Variants in LRRTM4 observed in about 807,000 individuals in gnomAD.
The protein encoded by LRRTM4 is leucine rich repeat transmembrane neuronal 4.
LRRTM4 carries 25 observed loss-of-function variants against 47.6 expected under a neutral mutation model. That is an observed-to-expected ratio of 0.53 (90% CI 0.38 to 0.73). LRRTM4 has a LOEUF of 0.73. Among genes scored for constraint, LRRTM4 ranks in the 30% least tolerant of loss-of-function variants. The pLI is 0.00. For missense variants in LRRTM4, 638 were observed against 713.4 expected, an observed-to-expected ratio of 0.89 and a Z score of 1.20; for synonymous variants, 311 against 269.5, an observed-to-expected ratio of 1.15 and a Z score of -1.51.
intron 3 of LRRTM4, among the ~76,000 whole-genome samples, chr2:77,321,555 G>T (rs867894102): frequency 1.3e-4 from 11 of 87,570 alleles, no homozygotes; most frequent in South Asian, 1.1e-3. Context: ...ATCGGGGAGG[G>T]GGGGGGGTGT....
chr2:77,254,672 T>C (rs1675713316), intron 3 of LRRTM4, among the ~76,000 whole-genome samples: 1 of 151,558 alleles, frequency 6.6e-6, no homozygotes, highest in Non-Finnish European at 1.5e-5. Flanking sequence ...GGGAGTAAAA[T>C]AAAATAAAGG....
At chr2:76,965,696 C>G (rs1418222134) in intron 3 of LRRTM4, among the ~76,000 whole-genome samples, 1 of 151,292 alleles carries the variant, frequency 6.6e-6, no homozygotes, top group Non-Finnish European at 1.5e-5. Context: ...ACGCTTTTCA[C>G]TAGGCATTTC....
chr2:77,058,047 TC>T (rs1234271107), intron 3 of LRRTM4, among the ~76,000 whole-genome samples: 7 of 152,190 alleles, frequency 4.6e-5, no homozygotes, highest in Non-Finnish European at 1.0e-4. Flanking sequence ...TTTAGATTTT[TC>T]ATGGGCCTCT....
At chr2:76,805,327 C>G (rs1675913910) in intron 3 of LRRTM4, among the ~76,000 whole-genome samples, 1 of 151,838 alleles carries the variant, frequency 6.6e-6, no homozygotes, top group African/African-American at 2.4e-5. Flanking sequence ...TCTGCCACAG[C>G]CAGTGAAAAG....
intron 3 of LRRTM4, among the ~76,000 whole-genome samples, chr2:76,932,418 T>C (rs1674801102): frequency 6.6e-6 from 1 of 152,066 alleles, no homozygotes; most frequent in African/African-American, 2.4e-5. Context: ...TGTATACAGG[T>C]ACCTATAATA....
chr2:76,887,666 T>G (rs1673121626), intron 3 of LRRTM4, among the ~76,000 whole-genome samples: 1 of 132,100 alleles, frequency 7.6e-6, no homozygotes, highest in African/African-American at 2.9e-5. Flanking sequence ...TGTTTGTATT[T>G]ATATATATAT....
intron 3 of LRRTM4, among the ~76,000 whole-genome samples, chr2:77,479,393 A>C (rs1677562648): frequency 6.6e-6 from 1 of 152,188 alleles, no homozygotes; most frequent in South Asian, 2.1e-4. Context: ...TTCTGTTAAC[A>C]AAGTACATCT....
chr2:77,056,186 A>ATAG (rs56323017), intron 3 of LRRTM4, among the ~76,000 whole-genome samples: 1 of 44,264 alleles, frequency 2.3e-5, no homozygotes, highest in African/African-American at 1.4e-4. Context: ...AACTTAAAGT[A>ATAG]TAATAATAAA....
intron 3 of LRRTM4, among the ~76,000 whole-genome samples, chr2:76,766,841 A>G (rs565028753): frequency 6.6e-6 from 1 of 152,250 alleles, no homozygotes; most frequent in Non-Finnish European, 1.5e-5. Flanking sequence ...TAAACATGCT[A>G]CAATGTGCAG....
chr2:77,183,559 G>T (rs1260762818), intron 3 of LRRTM4, among the ~76,000 whole-genome samples: 1 of 152,166 alleles, frequency 6.6e-6, no homozygotes, highest in Non-Finnish European at 1.5e-5. Context: ...ATTACCATGT[G>T]ACCCAGCCAT....
At chr2:76,898,429 T>C (rs1401616317) in intron 3 of LRRTM4, among the ~76,000 whole-genome samples, 3 of 151,560 alleles carry the variant, frequency 2.0e-5, no homozygotes, top group Non-Finnish European at 4.4e-5. Context: ...GAAACATTTA[T>C]AAAAGTTAGT....
chr2:77,093,032 TC>T (rs759333993), intron 3 of LRRTM4, among the ~76,000 whole-genome samples: 2 of 147,340 alleles, frequency 1.4e-5, no homozygotes, highest in Admixed American at 1.3e-4. Context: ...TTATAGACGC[TC>T]CTTTTATTAG....
chr2:77,455,678 C>T (rs1676506892), intron 3 of LRRTM4, among the ~76,000 whole-genome samples: 1 of 152,110 alleles, frequency 6.6e-6, no homozygotes, highest in Non-Finnish European at 1.5e-5. Flanking sequence ...TACTACTTGG[C>T]TGTGCATTCT....
intron 3 of LRRTM4, among the ~76,000 whole-genome samples, chr2:77,423,560 C>A (rs978382434): frequency 6.6e-5 from 10 of 152,144 alleles, no homozygotes; most frequent in Middle Eastern, 3.2e-3. Context: ...CCTTCTATCC[C>A]TTCTGCCATC....
chr2:77,137,345 C>A (rs756334368), intron 3 of LRRTM4, among the ~76,000 whole-genome samples: 8 of 151,906 alleles, frequency 5.3e-5, no homozygotes, highest in Non-Finnish European at 7.4e-5. Flanking sequence ...AAACAATTTT[C>A]AACCCAGAAT....
At chr2:76,780,825 G>C (rs2104157092) in intron 3 of LRRTM4, among the ~76,000 whole-genome samples, 1 of 152,044 alleles carries the variant, frequency 6.6e-6, no homozygotes, top group South Asian at 2.1e-4. Flanking sequence ...TTTGGAGGAG[G>C]AGAGGTGCTC....
chr2:76,796,252 C>T (rs1287875803), intron 3 of LRRTM4, among the ~76,000 whole-genome samples: 1 of 74,282 alleles, frequency 1.3e-5, no homozygotes, highest in Non-Finnish European at 2.3e-5. Context: ...GGGTGCCCGC[C>T]ATTGAACAGG....
intron 3 of LRRTM4, among the ~76,000 whole-genome samples, chr2:76,873,480 ATATGTGTGTGTGTATATATATG>A (rs1672687841): frequency 1.5e-5 from 2 of 135,308 alleles, no homozygotes; most frequent in African/African-American, 5.8e-5. Context: ...GTGTATATAT[ATATGTGTGTGTGTATATATATG>A]TGTGTATATA....
At chr2:76,988,065 A>T (rs980260499) in intron 3 of LRRTM4, among the ~76,000 whole-genome samples, 5 of 151,854 alleles carry the variant, frequency 3.3e-5, no homozygotes, top group Admixed American at 1.3e-4. Flanking sequence ...TACTTTCTTT[A>T]TACTCTAGCT....
Sources: allele counts gnomAD v4.1 joint callset (sites outside exome capture counted in the v4.1 genomes callset), GRCh38; gene constraint gnomAD v4.1.1; transcripts MANE v1.5; gene names NCBI Gene and HGNC (gene_info 2026-07-23, HGNC 2026-07-21).